Variants in DHX36 observed in about 807,000 individuals in gnomAD.
DHX36 encodes the protein DEAH-box helicase 36.
A neutral mutation model predicts 139.0 loss-of-function variants in DHX36; 50 were observed. That is an observed-to-expected ratio of 0.36 (90% CI 0.29 to 0.46). DHX36 has a LOEUF of 0.46. Among genes scored for constraint, DHX36 ranks in the 20% least tolerant of loss-of-function variants. The probability of loss-of-function intolerance (pLI) is 1.00; values close to 1 mark genes in which losing one functional copy is unlikely to be tolerated. For synonymous variants in DHX36, 425 were observed against 401.9 expected (o/e 1.06, Z -0.69); for missense variants, 1,024 against 1,211.3 (o/e 0.85, Z 2.29).
At chr3:154,291,680 G>A (rs1711817513) in intron 15 of DHX36, among the ~76,000 whole-genome samples, 1 of 152,096 alleles carries the variant, frequency 6.6e-6, no homozygotes, top group Non-Finnish European at 1.5e-5. Flanking sequence ...TAAAACGAGG[G>A]GTTGATAAAT....
chr3:154,306,369 AG>A lies in DHX36; in HGVS notation c.814-75del, dbSNP rs147106724. 3.0e-3 allele frequency: 3,833 copies of A among 1,273,614 alleles called. 74 individuals carry two copies. The African/African-American group carries it at 0.048, about 16-fold the overall frequency. The allele number at this position is 1,273,614 out of a possible 1,614,324, so 78.9% of individuals were successfully genotyped here. A position where few individuals can be genotyped will look rare whatever the true frequency, so the allele number is the denominator to read the frequency against. On this transcript the variant is annotated intron_variant, in intron 5 of 24. Coordinates refer to ENST00000496811, the MANE Select transcript of DHX36 (RefSeq NM_020865.3). ...ATATCCTGAATGTCCATGAAAATCT[AG>A]GACTGTTGAAAAATTGTTCTTCAGA...
intron 15 of DHX36, among the ~76,000 whole-genome samples, chr3:154,291,000 T>C (rs889723540): frequency 2.0e-5 from 3 of 149,616 alleles, no homozygotes; most frequent in East Asian, 3.9e-4. Flanking sequence ...CCGGGCGTAG[T>C]GGCGGGCGCC....
intron 12 of DHX36, among the ~76,000 whole-genome samples, chr3:154,298,232 C>G (rs1489026110): frequency 6.6e-6 from 1 of 152,034 alleles, no homozygotes; most frequent in Admixed American, 6.6e-5. Flanking sequence ...TAAATGATAA[C>G]GTTATATTTT....
chr3:154,293,127 G>C (rs941875418), intron 14 of DHX36, among the ~76,000 whole-genome samples: 2 of 152,030 alleles, frequency 1.3e-5, no homozygotes, highest in Non-Finnish European at 2.9e-5. Context: ...ACATTTAAAG[G>C]CTGGATATAA....
At chr3:154,315,333 T>G (rs888864132) in intron 2 of DHX36, 53 bp from the exon 3 acceptor site, 1 of 1,312,778 alleles carries the variant, frequency 7.6e-7, no homozygotes, top group African/African-American at 1.5e-5. Context: ...ACTCAAACAC[T>G]GGAACAAAAC....
intron 3 of DHX36, among the ~76,000 whole-genome samples, chr3:154,313,612 C>T (rs566367857): frequency 6.6e-6 from 1 of 152,144 alleles, no homozygotes; most frequent in East Asian, 1.9e-4. Flanking sequence ...CCCAGGAGGT[C>T]GAGGCTGCAG....
rs181390857 is a variant in DHX36, at chr3:154,288,589, T to G, written c.2031+277A>C. Among the ~76,000 whole-genome samples, 453 of 152,256 alleles carry G rather than the reference T, an allele frequency of 3.0e-3. 4 individuals carry two copies. The highest frequency in any genetic ancestry group is 5.4e-3 in the Non-Finnish European group (367 of 68,016). On this transcript the variant is annotated intron_variant, in intron 17 of 24. Coordinates refer to ENST00000496811, the MANE Select transcript of DHX36 (RefSeq NM_020865.3). ...AATTAAAGACCAGTAACTTAAAAAT[T>G]TCAAATTTTATGTAATCTTAAATCA...
intron 1 of DHX36, among the ~76,000 whole-genome samples, chr3:154,322,295 A>C (rs1248578220): frequency 6.6e-6 from 1 of 152,226 alleles, no homozygotes; most frequent in Non-Finnish European, 1.5e-5. Flanking sequence ...CTGAGACAGA[A>C]GTGACATGAC....
intron 17 of DHX36, among the ~76,000 whole-genome samples, chr3:154,288,124 G>C (rs1027031673): frequency 2.8e-5 from 4 of 144,158 alleles, no homozygotes; most frequent in Admixed American, 1.4e-4. Flanking sequence ...CTCCAGCCTG[G>C]GTGACAAAGT....
intron 1 of DHX36, among the ~76,000 whole-genome samples, chr3:154,320,694 C>T (rs1009929132): frequency 6.6e-6 from 1 of 152,162 alleles, no homozygotes; most frequent in Non-Finnish European, 1.5e-5. Context: ...ACACTGTACT[C>T]GTCCCTTCAG....
chr3:154,321,327 T>C (rs1713177221), intron 1 of DHX36, among the ~76,000 whole-genome samples: 1 of 152,324 alleles, frequency 6.6e-6, no homozygotes, highest in Non-Finnish European at 1.5e-5. Context: ...TTGATCTCTA[T>C]GTTATGGCAC....
chr3:154,299,727 C>T (rs770934430), intron 12 of DHX36, 111 bp downstream of exon 12: 7 of 783,990 alleles, frequency 8.9e-6, no homozygotes, highest in Non-Finnish European at 1.6e-5. Context: ...GCTTCACCTT[C>T]ATCTGTGACC....
chr3:154,307,579 C>T (rs1380691815), intron 5 of DHX36, among the ~76,000 whole-genome samples: 1 of 152,066 alleles, frequency 6.6e-6, no homozygotes, highest in Non-Finnish European at 1.5e-5. Context: ...CATCTTACCC[C>T]AGTCAAAATG....
chr3:154,314,870 G>A, intron 3 of DHX36, 176 bp downstream of exon 3: 1 of 568,394 alleles, frequency 1.8e-6, no homozygotes, highest in Non-Finnish European at 3.1e-6. Context: ...TGTAGGTTAT[G>A]TGTAACTTCC....
At chr3:154,306,570 T>G (rs1437526342) in intron 5 of DHX36, among the ~76,000 whole-genome samples, 1 of 152,154 alleles carries the variant, frequency 6.6e-6, no homozygotes, top group Non-Finnish European at 1.5e-5. Context: ...ATTTATACTT[T>G]TCTGGTCTTT....
intron 17 of DHX36, 94 bp from the exon 18 acceptor site, chr3:154,285,081 C>A: frequency 7.7e-7 from 1 of 1,296,448 alleles, no homozygotes. Context: ...CAAGCCACTA[C>A]TCTCTCTTCT....
intron 23 of DHX36, among the ~76,000 whole-genome samples, chr3:154,277,113 C>T (rs1719173920): frequency 6.6e-6 from 1 of 152,112 alleles, no homozygotes; most frequent in Admixed American, 6.5e-5. Flanking sequence ...TTAGTTTAAA[C>T]TAAGCACTAC....
In DHX36 at chr3:154,292,566, T is replaced by C. The variant is rs781157437; in HGVS notation, c.1799A>G (p.Lys600Arg). The C allele has an allele frequency of 3.7e-6, 6 of 1,614,076 alleles. No homozygotes were observed. The East Asian group carries it at 6.7e-5, about 18-fold the overall frequency. The change falls in exon 15 of 25, where the codon AAA (lysine) becomes AGA (arginine). Residue 600 changes from lysine to arginine, a missense_variant. This residue lies in a region of DHX36 where 470 missense variants were observed against 616.2 expected (regional missense o/e 0.76). Transcript: ENST00000496811. ...WVSKANAKQR[K>R]GRAGRVQPGH... is the part of the protein sequence containing the mutation. Reference sequence around the variant, plus strand: ...CCCACCTTACCTTCCAGCTCGACCTTTTCTCTGTTTGGCATTAGCTTTACT... The same window carrying C: ...CCCACCTTACCTTCCAGCTCGACCTCTTCTCTGTTTGGCATTAGCTTTACT...
intron 19 of DHX36, 54 bp downstream of exon 19, chr3:154,284,529 A>G: frequency 5.0e-6 from 7 of 1,406,038 alleles, no homozygotes; most frequent in African/African-American, 1.4e-5. Flanking sequence ...TTCTATTATT[A>G]GCATTTCATT....
Sources: gnomAD v4.1 joint callset for allele counts (sites outside exome capture counted in the v4.1 genomes callset) on GRCh38, gnomAD v4.1.1 for gene constraint, gnomAD v4.1.1 regional missense constraint, MANE v1.5 for transcripts, NCBI Gene and HGNC (gene_info 2026-07-23, HGNC 2026-07-21) for gene names.